PKHD1: variants seen among roughly 807,000 people sequenced by gnomAD.
The protein encoded by PKHD1 is PKHD1 ciliary IPT domain containing fibrocystin/polyductin, also known as fibrocystin.
In PKHD1, 291 loss-of-function variants were observed where a neutral mutation model predicts 412.0. The ratio of observed to expected loss-of-function variants is 0.71; its 90% CI spans 0.64 to 0.78. PKHD1 has a LOEUF of 0.78. Among genes scored for constraint, PKHD1 ranks in the 30% least tolerant of loss-of-function variants. PKHD1 has a pLI of 0.00. For synonymous variants in PKHD1, 1,777 were observed against 1,821.5 expected, an observed-to-expected ratio of 0.98 and a Z score of 0.62; for missense variants, 4,825 against 4,950.7, an observed-to-expected ratio of 0.97 and a Z score of 0.76.
chr6:51,762,954 A>C (rs973456742), intron 55 of PKHD1, among the ~76,000 whole-genome samples: 4 of 152,062 alleles, frequency 2.6e-5, no homozygotes, highest in Non-Finnish European at 5.9e-5. Context: ...TTGAGTCTGA[A>C]GTTATTTTTA....
At chr6:51,660,108 G>T in intron 60 of PKHD1, 139 bp from the exon 61 acceptor site, 1 of 568,496 alleles carries the variant, frequency 1.8e-6, no homozygotes. Flanking sequence ...TACTGAGAGT[G>T]CAAGGAAGAT....
intron 63 of PKHD1, among the ~76,000 whole-genome samples, chr6:51,642,578 AC>A (rs897646356): frequency 2.6e-5 from 4 of 152,110 alleles, no homozygotes; most frequent in African/African-American, 9.7e-5. Context: ...GGTGGCTCAC[AC>A]CTGTAATCCC....
chr6:51,999,559 G>A (rs1289530382), intron 35 of PKHD1, among the ~76,000 whole-genome samples: 1 of 152,154 alleles, frequency 6.6e-6, no homozygotes, highest in Non-Finnish European at 1.5e-5. Flanking sequence ...GCTCTTTAAA[G>A]TAAGAGCAGA....
chr6:51,913,579 C>G (rs191174217), intron 37 of PKHD1, among the ~76,000 whole-genome samples: 47 of 152,232 alleles, frequency 3.1e-4, no homozygotes, highest in African/African-American at 1.0e-3. Flanking sequence ...TTTCCTTCCT[C>G]TTTTGCAATG....
At chr6:52,006,794 G>A (rs1006109280) in intron 35 of PKHD1, among the ~76,000 whole-genome samples, 3 of 152,086 alleles carry the variant, frequency 2.0e-5, no homozygotes, top group Admixed American at 6.5e-5. Context: ...TCCATCACCG[G>A]AGCAGTATAC....
At chr6:52,021,615 ATCT>A (rs1401121318) in intron 33 of PKHD1, among the ~76,000 whole-genome samples, 1 of 152,164 alleles carries the variant, frequency 6.6e-6, no homozygotes, top group Non-Finnish European at 1.5e-5. Context: ...TTGAACTTCA[ATCT>A]TCTATTGTAT....
chr6:51,772,578 T>A, intron 55 of PKHD1, 124 bp downstream of exon 55: 1 of 564,076 alleles, frequency 1.8e-6, no homozygotes, highest in Non-Finnish European at 3.2e-6. Context: ...CTTATTTTTC[T>A]ACTTGCTCAT....
At chr6:51,934,435 C>T in intron 36 of PKHD1, 113 bp from the exon 37 acceptor site, 1 of 741,710 alleles carries the variant, frequency 1.3e-6, no homozygotes, top group Non-Finnish European at 2.4e-6. Flanking sequence ...GGAATGTAGA[C>T]TTATTTTATC....
At chr6:51,989,197 A>C (rs948313349) in intron 35 of PKHD1, among the ~76,000 whole-genome samples, 3 of 152,244 alleles carry the variant, frequency 2.0e-5, no homozygotes, top group African/African-American at 7.2e-5. Flanking sequence ...GAAAAAAAAC[A>C]AAAACTAGAT....
At chr6:51,729,077 G>A (rs4715230) in intron 60 of PKHD1, among the ~76,000 whole-genome samples, 101,729 of 152,138 alleles carry the variant, frequency 0.67, 34,965 homozygotes, top group African/African-American at 0.83. Context: ...GCCCAAGAAA[G>A]GTTGCATCCT....
At chr6:51,830,368 A>C (rs1369930934) in intron 52 of PKHD1, among the ~76,000 whole-genome samples, 1 of 152,206 alleles carries the variant, frequency 6.6e-6, no homozygotes, top group East Asian at 1.9e-4. Flanking sequence ...GAATAGATAC[A>C]TAGATAGGTA....
chr6:51,748,525 C>G lies in PKHD1; in HGVS notation c.9091G>C (p.Ala3031Pro), dbSNP rs750983591. 1 of 1,613,762 alleles carries G rather than the reference C, an allele frequency of 6.2e-7. No homozygotes were observed. Among genetic ancestry groups the G allele is most frequent in the South Asian group, 1.1e-5 (1 of 91,070 alleles). Residue 3031 changes from alanine (A) to proline (P), a missense_variant, in exon 58 of 67, where the codon GCT becomes CCT. By Grantham distance (27) the Ala-to-Pro change is conservative. Coordinates refer to ENST00000371117, the MANE Select transcript of PKHD1 (RefSeq NM_138694.4). ...HQSCGGGIHA[A>P]ASHGVLLNDN... ...TTTAAAAGTACTCCATGACTGGCAG[C>G]TGCATGAATGCCCCCGCCACAGCTC... is the stretch of plus-strand genomic sequence containing the variant.
chr6:51,960,561 A>G (rs1157675439), intron 35 of PKHD1, among the ~76,000 whole-genome samples: 1 of 152,122 alleles, frequency 6.6e-6, no homozygotes, highest in Non-Finnish European at 1.5e-5. Flanking sequence ...TCCCTGTTTT[A>G]TAGGAACATT....
chr6:51,794,752 T>C (rs533700871), intron 52 of PKHD1, among the ~76,000 whole-genome samples: 1 of 152,318 alleles, frequency 6.6e-6, no homozygotes, highest in East Asian at 1.9e-4. Flanking sequence ...TAGCCAATTC[T>C]CCCAGCATCA....
chr6:52,049,581 A>C (rs1032078531), intron 22 of PKHD1, among the ~76,000 whole-genome samples: 4 of 152,208 alleles, frequency 2.6e-5, no homozygotes, highest in Non-Finnish European at 5.9e-5. Flanking sequence ...TAGAGTATAC[A>C]TGTGTTCCAG....
Position 51,727,356 on chromosome 6 carries a change from G to A in PKHD1, c.10156+17029C>T, listed in dbSNP as rs540801944. On this transcript the variant is annotated intron_variant, in intron 60 of 66. Coordinates refer to ENST00000371117, the MANE Select transcript of PKHD1 (RefSeq NM_138694.4). ...CCTCAGATGAAAGAACTTGACAGAG[G>A]GATATAAGGCAGAAAAAGAGACCGA... Among the ~76,000 whole-genome samples, 4 of 152,156 alleles carry A rather than the reference G, an allele frequency of 2.6e-5. No homozygotes were observed. The South Asian group carries it at 8.3e-4, about 32-fold the overall frequency.
intron 65 of PKHD1, among the ~76,000 whole-genome samples, chr6:51,627,409 TCAA>T (rs2150280409): frequency 6.6e-6 from 1 of 151,116 alleles, no homozygotes; most frequent in Non-Finnish European, 1.5e-5. Flanking sequence ...ATGTACACAC[TCAA>T]TTTTGAAAAA....
intron 36 of PKHD1, among the ~76,000 whole-genome samples, chr6:51,959,297 T>C (rs1791629631): frequency 6.6e-6 from 1 of 152,076 alleles, no homozygotes; most frequent in Admixed American, 6.6e-5. Flanking sequence ...AGGAAAGAAA[T>C]GCACAAAGAG....
At chr6:51,938,292 G>A (rs904120742) in intron 36 of PKHD1, among the ~76,000 whole-genome samples, 4 of 152,190 alleles carry the variant, frequency 2.6e-5, no homozygotes, top group South Asian at 2.1e-4. Context: ...TGACCTGCAC[G>A]TATACATCCA....
Sources: gnomAD v4.1 joint callset for allele counts (sites outside exome capture counted in the v4.1 genomes callset) on GRCh38, gnomAD v4.1.1 for gene constraint, MANE v1.5 for transcripts, NCBI Gene and HGNC (gene_info 2026-07-23, HGNC 2026-07-21) for gene names.